Variants in PCDHA4 observed in about 807,000 individuals in gnomAD.
PCDHA4 encodes the protein protocadherin alpha-4.
Under a neutral mutation model 61.4 loss-of-function variants are expected in PCDHA4, and 49 were observed. The observed-to-expected ratio is 0.80, with a 90% CI of 0.63 to 1.01. The LOEUF is 1.01. PCDHA4 is among the 50% of genes least tolerant of loss of function. The pLI is 0.00. For synonymous variants in PCDHA4, 590 were observed against 550.3 expected, an observed-to-expected ratio of 1.07 and a Z score of -1.01; for missense variants, 1,254 against 1,235.8, an observed-to-expected ratio of 1.01 and a Z score of -0.22.
chr5:140,824,610 G>GTTGTTTTTTTTTTTT lies in PCDHA4; in HGVS notation c.2385+15040_2385+15041insGTTTTTTTTTTTTTT, dbSNP rs1768193318. The GTTGTTTTTTTTTTTT allele has an allele frequency of 3.2e-5, 3 of 95,104 alleles. 1 individual carries two copies. The highest frequency in any genetic ancestry group is 1.5e-4 in the African/African-American group (3 of 20,556). The allele number at this position is 95,104 out of a possible 1,614,324, so 5.9% of individuals were successfully genotyped here. A position where few individuals can be genotyped will look rare whatever the true frequency, so the allele number is the denominator to read the frequency against. On this transcript the variant is annotated intron_variant, in intron 1 of 3. Coordinates refer to ENST00000530339, the MANE Select transcript of PCDHA4 (RefSeq NM_018907.4). ...GGACTACATGCACATGCTAATTAAAGTTTTTTTTTTTTTTTTTTTTTTATT... is the reference window on the plus strand; with the variant it reads ...GGACTACATGCACATGCTAATTAAAGTTGTTTTTTTTTTTTTTTTTTTTTTTTTTTTTTTTTTATT...
At chr5:140,862,541 G>A (rs749747760) in intron 1 of PCDHA4, 2 of 445,208 alleles carry the variant, frequency 4.5e-6, no homozygotes, top group Non-Finnish European at 9.1e-6. Context: ...CGGGTCCGTG[G>A]AAGTGGCCGA....
At chr5:140,882,755 G>C (rs1554175453) in intron 1 of PCDHA4, 3 of 1,614,112 alleles carry the variant, frequency 1.9e-6, no homozygotes, top group Non-Finnish European at 2.5e-6. Context: ...TGCAGATATT[G>C]GAGTAAACTC....
At chr5:140,871,080 G>T (rs1554165086) in intron 1 of PCDHA4, 2 of 1,613,094 alleles carry the variant, frequency 1.2e-6, no homozygotes, top group Admixed American at 1.7e-5. Context: ...CGGCGCTGAC[G>T]GCCACGGCCA....
chr5:140,960,849 A>G (rs1347970743), intron 1 of PCDHA4, among the ~76,000 whole-genome samples: 10 of 152,220 alleles, frequency 6.6e-5, no homozygotes, highest in African/African-American at 2.2e-4. Context: ...TTTAATGGCA[A>G]CTATAAGCCA....
At chr5:140,967,843 T>C (rs782701780) in intron 1 of PCDHA4, 3 of 1,614,102 alleles carry the variant, frequency 1.9e-6, no homozygotes, top group Admixed American at 3.3e-5. Flanking sequence ...TGGACGTGAA[T>C]GACAATGCCC....
At position 140,819,729 on chromosome 5, in the gene PCDHA4, A is replaced by T. The variant is rs1430580335; in HGVS notation, c.2385+10157A>T. On this transcript the variant is annotated intron_variant, in intron 1 of 3. Coordinates refer to ENST00000530339, the MANE Select transcript of PCDHA4 (RefSeq NM_018907.4). ...AAGTAAATATAATTTAACAGATATG[A>T]AAGTGAATCAAAAGTCAAGAGTCTT... 4.6e-5 allele frequency among the ~76,000 whole-genome samples: 7 copies of T among 152,228 alleles called. No individual in the cohort carries two copies. In the East Asian group the frequency reaches 1.2e-3, roughly 25 times the overall value.
At position 140,856,318 on chromosome 5, in the gene PCDHA4, C is replaced by T. The variant is rs200204071; in HGVS notation, c.2385+46746C>T. 8.1e-6 allele frequency: 13 copies of T among 1,598,576 alleles called. 2 individuals are homozygous for T. The African/African-American group carries it at 1.7e-4, about 21-fold the overall frequency. On this transcript the variant is annotated intron_variant, in intron 1 of 3. Transcript: ENST00000530339. ...TTTTGTTTGTGAATTCTCGGATTGACCGCGAGGAGCTGTGCGGGCGGAGCG... is the reference window on the plus strand; with the variant it reads ...TTTTGTTTGTGAATTCTCGGATTGATCGCGAGGAGCTGTGCGGGCGGAGCG...
chr5:140,908,090 G>A (rs1198966409), intron 1 of PCDHA4, among the ~76,000 whole-genome samples: 1 of 152,200 alleles, frequency 6.6e-6, no homozygotes. Flanking sequence ...CAGGTGCACT[G>A]ATTGAAGTTC....
At chr5:140,966,374 C>A in intron 1 of PCDHA4, 1 of 405,174 alleles carries the variant, frequency 2.5e-6, no homozygotes, top group South Asian at 1.3e-4. Flanking sequence ...GCTGAGCAGT[C>A]CGGGTTCGCT....
rs2052480735 is a variant in PCDHA4 at position 140,870,867 on chromosome 5, C to A, written c.2385+61295C>A. 5 of 1,613,908 alleles carry A rather than the reference C, an allele frequency of 3.1e-6. No individual in the cohort carries two copies. The East Asian group carries it at 8.9e-5, about 29-fold the overall frequency. ...TACCGCGGTCGGTGGGTGCGGGCCACGTGGTGGCGAAGGTGCGCGCAGTGG... is the reference window on the plus strand; with the variant it reads ...TACCGCGGTCGGTGGGTGCGGGCCAAGTGGTGGCGAAGGTGCGCGCAGTGG... On this transcript the variant is annotated intron_variant, in intron 1 of 3. Transcript: ENST00000530339.
intron 1 of PCDHA4, among the ~76,000 whole-genome samples, chr5:140,826,672 G>T (rs1290845533): frequency 6.6e-6 from 1 of 152,028 alleles, no homozygotes; most frequent in African/African-American, 2.4e-5. Flanking sequence ...AATTGTAGAC[G>T]TAATTAAAAA....
At position 140,823,576 on chromosome 5, in the gene PCDHA4, G is replaced by A. The variant is rs2150127070; in HGVS notation, c.2385+14004G>A. 4 of 1,613,976 alleles carry A rather than the reference G, an allele frequency of 2.5e-6. No individual in the cohort carries two copies. In the East Asian group the frequency reaches 6.7e-5, roughly 27 times the overall value. On this transcript the variant is annotated intron_variant, in intron 1 of 3. Coordinates refer to ENST00000530339, the MANE Select transcript of PCDHA4 (RefSeq NM_018907.4). ...GGTGCGCGCAGTGGACCCTGATTCG[G>A]GCTACAACGCTTGGCTTTCGTATGA...
In PCDHA4 at chr5:140,856,327, G is replaced by A; in HGVS notation, c.2385+46755G>A. On this transcript the variant is annotated intron_variant, in intron 1 of 3. Transcript: ENST00000530339. ...TGAATTCTCGGATTGACCGCGAGGAGCTGTGCGGGCGGAGCGTGGAGTGCA... is the reference window on the plus strand; with the variant it reads ...TGAATTCTCGGATTGACCGCGAGGAACTGTGCGGGCGGAGCGTGGAGTGCA... The A allele has an allele frequency of 1.4e-5, 22 of 1,598,708 alleles. 1 individual carries two copies. Among genetic ancestry groups the A allele is most frequent in the South Asian group, 3.3e-5 (3 of 90,534 alleles).
rs782163731 is a variant in PCDHA4, at chr5:140,869,573, C to A, written c.2385+60001C>A. 8 of 1,614,154 alleles carry A rather than the reference C, an allele frequency of 5.0e-6. No homozygotes were observed. In the East Asian group the frequency reaches 1.8e-4, roughly 36 times the overall value. ...GACTCGCGTTTTCCACTAGAGGGAG[C>A]TTCTGATGCTGACATTGAAGAGAAT... On this transcript the variant is annotated intron_variant, in intron 1 of 3. Coordinates refer to ENST00000530339, the MANE Select transcript of PCDHA4 (RefSeq NM_018907.4).
intron 1 of PCDHA4, among the ~76,000 whole-genome samples, chr5:140,819,549 G>C (rs1554127713): frequency 6.6e-6 from 1 of 152,080 alleles, no homozygotes; most frequent in Non-Finnish European, 1.5e-5. Flanking sequence ...TGTAACATTT[G>C]ATTGAAGAAA....
intron 1 of PCDHA4, chr5:140,968,472 T>C (rs1554230782): frequency 6.2e-7 from 1 of 1,614,130 alleles, no homozygotes; most frequent in Non-Finnish European, 8.5e-7. Context: ...AACGTATATG[T>C]GGTGGACATG....
At chr5:140,920,548 C>T (rs1222470517) in intron 1 of PCDHA4, among the ~76,000 whole-genome samples, 5 of 152,186 alleles carry the variant, frequency 3.3e-5, no homozygotes, top group Admixed American at 6.5e-5. Context: ...ATTTCACCTT[C>T]GAAGTGTGGC....
chr5:140,918,456 T>A (rs782254836), intron 1 of PCDHA4, among the ~76,000 whole-genome samples: 9 of 152,316 alleles, frequency 5.9e-5, no homozygotes, highest in South Asian at 4.1e-4. Flanking sequence ...GTGGGCATCC[T>A]TGTCTTATTC....
rs1383891964 is a variant in PCDHA4 at position 140,807,743 on chromosome 5, G to A, written c.556G>A (p.Asp186Asn). 6.2e-7 allele frequency: 1 copy of A among 1,614,054 alleles called. No homozygotes were observed. ...EYFSLEKPPD[D>N]ELVKGLGLIL... ...CTTTTCTCTGGAAAAACCACCTGAT[G>A]ACGAGCTGGTAAAAGGTCTTGGGCT... Residue 186 changes from aspartate to asparagine, a missense_variant, in exon 1 of 4, where the codon GAC becomes AAC. Transcript: ENST00000530339.
Sources: gnomAD v4.1 joint callset for allele counts (sites outside exome capture counted in the v4.1 genomes callset) on GRCh38, gnomAD v4.1.1 for gene constraint, MANE v1.5 for transcripts, NCBI Gene and HGNC (gene_info 2026-07-23, HGNC 2026-07-21) for gene names.